UQCC4: variants seen among roughly 807,000 people sequenced by gnomAD.
UQCC4 encodes the protein cattle cerebrum and skeletal muscle-specific protein 1 family member.
the UQCC4 span, chr16:1,420,396 G>C: frequency 6.2e-6 from 10 of 1,614,258 alleles, no homozygotes; most frequent in Non-Finnish European, 8.5e-6. Flanking sequence ...CGAGGAAGCA[G>C]CTGAGGGGCA....
At chr16:1,420,697 C>A in the UQCC4 span, 1 of 1,544,462 alleles carries the variant, frequency 6.5e-7, no homozygotes. Context: ...CTCACCCGGC[C>A]GCCGGGGCAC....
the UQCC4 span, chr16:1,420,528 G>A: frequency 6.2e-7 from 1 of 1,614,090 alleles, no homozygotes; most frequent in East Asian, 2.2e-5. Flanking sequence ...CTTCCTCGGC[G>A]GCAGGGTGGG....
At chr16:1,420,501 G>C in the UQCC4 span, 289 of 1,614,136 alleles carry the variant, frequency 1.8e-4, 2 homozygotes, top group Admixed American at 1.7e-5. Flanking sequence ...ACTCAATGGG[G>C]CGGTCAGGGT....
the UQCC4 span, chr16:1,420,576 G>C: frequency 6.2e-7 from 1 of 1,607,524 alleles, no homozygotes; most frequent in Non-Finnish European, 8.5e-7. Context: ...GAAGGCTTCG[G>C]GAAGCCCAGC....
chr16:1,420,154 C>A, the UQCC4 span: 1 of 1,613,892 alleles, frequency 6.2e-7, no homozygotes, highest in Non-Finnish European at 8.5e-7. Flanking sequence ...GCTGAGGACG[C>A]ACGCATAGCC....
chr16:1,420,478 T>C, the UQCC4 span: 3 of 1,614,120 alleles, frequency 1.9e-6, no homozygotes, highest in Non-Finnish European at 2.5e-6. Flanking sequence ...AGGGTTGGCT[T>C]TGCTGGAGGA....
the UQCC4 span, chr16:1,419,800 C>A: frequency 1.2e-6 from 1 of 810,680 alleles, no homozygotes; most frequent in Non-Finnish European, 1.7e-6. Context: ...TTGTGTAAAA[C>A]TCACATGTGG....
chr16:1,419,934 G>A, the UQCC4 span: 1 of 1,490,652 alleles, frequency 6.7e-7, no homozygotes, highest in South Asian at 1.1e-5. Context: ...AAGTGCTTTG[G>A]AAACATGATT....
chr16:1,419,821 T>C, the UQCC4 span: 1 of 1,126,678 alleles, frequency 8.9e-7, no homozygotes. Context: ...AAGTGTTCCT[T>C]GCACAGGCCG....
chr16:1,420,020 G>C, the UQCC4 span: 7 of 1,607,538 alleles, frequency 4.4e-6, no homozygotes, highest in East Asian at 1.6e-4. Context: ...GAGAAGTCTT[G>C]CCGATGGAAT....
chr16:1,420,692 C>T, the UQCC4 span: 2 of 1,545,468 alleles, frequency 1.3e-6, no homozygotes, highest in Non-Finnish European at 1.7e-6. Context: ...AGGAGCTCAC[C>T]CGGCCGCCGG....
chr16:1,420,184 G>A, the UQCC4 span: 14 of 1,614,034 alleles, frequency 8.7e-6, no homozygotes, highest in Non-Finnish European at 1.2e-5. Context: ...ACGGGCAAAC[G>A]TGACATCAAA....
chr16:1,419,872 T>C, the UQCC4 span: 1 of 1,354,284 alleles, frequency 7.4e-7, no homozygotes, highest in South Asian at 1.2e-5. Flanking sequence ...AGATATTCTA[T>C]CTCAGAAAGC....
chr16:1,419,918 C>T, the UQCC4 span: 78 of 1,459,570 alleles, frequency 5.3e-5, no homozygotes, highest in Middle Eastern at 1.3e-3. Context: ...TGACAAGTGT[C>T]ACCAGAAGTG....
the UQCC4 span, chr16:1,420,535 T>G: frequency 1.9e-6 from 3 of 1,613,822 alleles, no homozygotes; most frequent in East Asian, 2.2e-5. Context: ...GGCGGCAGGG[T>G]GGGCCCGATC....
chr16:1,419,754 C>A, the UQCC4 span: 1 of 472,970 alleles, frequency 2.1e-6, no homozygotes, highest in Non-Finnish European at 3.3e-6. Context: ...TCATCTAATC[C>A]CATATTATAA....
the UQCC4 span, chr16:1,419,943 T>A: frequency 1.3e-6 from 2 of 1,510,330 alleles, no homozygotes; most frequent in Middle Eastern, 1.8e-4. Context: ...GGAAACATGA[T>A]TATGTTATAC....
At chr16:1,420,323 C>A in the UQCC4 span, 1 of 1,614,206 alleles carries the variant, frequency 6.2e-7, no homozygotes, top group East Asian at 2.2e-5. Flanking sequence ...TCTCCCCACA[C>A]CTGTCTCAAC....
chr16:1,420,202 G>A, the UQCC4 span: 2 of 1,613,812 alleles, frequency 1.2e-6, no homozygotes, highest in Admixed American at 1.7e-5. Context: ...AAATCCGAAG[G>A]GCGGCTGTCG....
Sources: gnomAD v4.1 joint callset for allele counts on GRCh38, gnomAD v4.1.1 for gene constraint, MANE v1.5 for transcripts, NCBI Gene and HGNC (gene_info 2026-07-23, HGNC 2026-07-21) for gene names.